UBR1: variants seen among roughly 807,000 people sequenced by gnomAD.
The protein encoded by UBR1 is ubiquitin protein ligase E3 component n-recognin 1.
A neutral mutation model predicts 242.1 loss-of-function variants in UBR1; 102 were observed. The ratio of observed to expected loss-of-function variants is 0.42; its 90% confidence interval spans 0.36 to 0.50. UBR1 has a LOEUF of 0.50. Among genes scored for constraint, UBR1 ranks in the 20% least tolerant of loss-of-function variants. UBR1 has a pLI of 0.01. For missense variants in UBR1, 1,772 were observed against 2,101.8 expected (o/e 0.84, Z 3.07); for synonymous variants, 675 against 684.8 (o/e 0.99, Z 0.22).
At chr15:43,007,034 C>T in intron 30 of UBR1, 45 bp downstream of exon 30, 1 of 1,580,138 alleles carries the variant, frequency 6.3e-7, no homozygotes, top group Non-Finnish European at 8.7e-7. Context: ...ATTACACAGG[C>T]ATGAAAAGAA....
At chr15:43,061,475 T>A (rs1289658234) in intron 6 of UBR1, among the ~76,000 whole-genome samples, 1 of 152,080 alleles carries the variant, frequency 6.6e-6, no homozygotes, top group African/African-American at 2.4e-5. Flanking sequence ...CGGCACCAAC[T>A]GAAATGCCCA....
chr15:42,952,555 T>C, intron 44 of UBR1, 107 bp from the exon 45 acceptor site: 2 of 1,260,304 alleles, frequency 1.6e-6, no homozygotes, highest in East Asian at 2.4e-5. Context: ...CTGACCCCTT[T>C]CCAGCAAGGA....
chr15:43,020,216 T>A (rs2033091435), intron 27 of UBR1, among the ~76,000 whole-genome samples: 1 of 152,144 alleles, frequency 6.6e-6, no homozygotes, highest in African/African-American at 2.4e-5. Flanking sequence ...ATTTTTTGTA[T>A]TTTTAGCAGA....
At chr15:43,014,411 G>A (rs1191999136) in intron 29 of UBR1, among the ~76,000 whole-genome samples, 2 of 151,116 alleles carry the variant, frequency 1.3e-5, no homozygotes, top group Non-Finnish European at 2.9e-5. Flanking sequence ...ATCTCTGCCC[G>A]GCCGCCATCC....
intron 3 of UBR1, among the ~76,000 whole-genome samples, chr15:43,079,175 T>C (rs2033944409): frequency 6.6e-6 from 1 of 151,912 alleles, no homozygotes; most frequent in Non-Finnish European, 1.5e-5. Flanking sequence ...AACTAACATT[T>C]AAAACCACAG....
In UBR1 at chr15:43,099,405, G is replaced by A. The variant is rs114914166; in HGVS notation, c.81+6537C>T. Among the ~76,000 whole-genome samples, 964 of 151,824 alleles carry A rather than the reference G, an allele frequency of 6.3e-3. 9 individuals carry two copies. Among genetic ancestry groups the A allele is most frequent in the African/African-American group, 0.021 (867 of 41,380 alleles). ...CTTTGATTTCCATAATGATTATTGCGTAACCATAACAATATTAAACTTTTA... is the reference window on the plus strand; with the variant it reads ...CTTTGATTTCCATAATGATTATTGCATAACCATAACAATATTAAACTTTTA... On this transcript the variant is annotated intron_variant, in intron 1 of 46. Transcript: ENST00000290650.
At chr15:43,072,306 G>A (rs1357244081) in intron 4 of UBR1, among the ~76,000 whole-genome samples, 1 of 152,152 alleles carries the variant, frequency 6.6e-6, no homozygotes, top group East Asian at 1.9e-4. Flanking sequence ...GCCCAGGTTG[G>A]TCTCTAACTC....
chr15:42,984,052 T>A (rs1238817259), intron 36 of UBR1, 59 bp from the exon 37 acceptor site: 1 of 1,384,598 alleles, frequency 7.2e-7, no homozygotes, highest in Non-Finnish European at 1.0e-6. Flanking sequence ...ACCTAAGTCA[T>A]CCACTTAAGA....
At position 43,007,288 on chromosome 15, in the gene UBR1, C is replaced by T. The variant is rs778169749; in HGVS notation, c.3210-4G>A. 1.2e-5 allele frequency: 20 copies of T among 1,613,728 alleles called. No individual in the cohort carries two copies. The highest frequency in any genetic ancestry group is 1.4e-5 in the Non-Finnish European group (16 of 1,179,932). ...GTAGTCACTGACTGCTGGGGTGCTA[C>T]CAAAAGAAATGATCAGAAATGAGGA... On this transcript the variant is annotated splice_polypyrimidine_tract_variant and splice_region_variant and intron_variant, in intron 29 of 46. Coordinates refer to ENST00000290650, the MANE Select transcript of UBR1 (RefSeq NM_174916.3).
chr15:43,024,730 C>T (rs1429120908), intron 25 of UBR1, 99 bp downstream of exon 25: 2 of 1,538,168 alleles, frequency 1.3e-6, no homozygotes, highest in East Asian at 4.5e-5. Context: ...GTTTCCGGTG[C>T]TCTAGATGTG....
intron 3 of UBR1, among the ~76,000 whole-genome samples, chr15:43,081,417 C>CAAAAAA (rs71108197): frequency 1.4e-3 from 101 of 69,664 alleles, no homozygotes; most frequent in Admixed American, 2.8e-3. Flanking sequence ...CACCCCATCT[C>CAAAAAA]AAAAAAAAAA....
At chr15:43,061,639 T>C (rs1302491697) in intron 6 of UBR1, among the ~76,000 whole-genome samples, 2 of 152,026 alleles carry the variant, frequency 1.3e-5, no homozygotes, top group Non-Finnish European at 2.9e-5. Flanking sequence ...TAAAAAGGAA[T>C]GAATTAACGG....
At chr15:42,995,031 T>A (rs1335761469) in intron 33 of UBR1, among the ~76,000 whole-genome samples, 1 of 152,228 alleles carries the variant, frequency 6.6e-6, no homozygotes, top group Non-Finnish European at 1.5e-5. Context: ...CTTAAAAATA[T>A]AGGCTTCTAA....
In UBR1 at chr15:43,002,704, C is replaced by T. The variant is rs1448950539; in HGVS notation, c.3510G>A (p.Lys1170=). ...GHVMHAVCWQ[K]YFEAVQLSSQ... Reference sequence around the variant, plus strand: ...AGCTCAGCTGTACAGCTTCAAAATACCTGCAAAATTACAAAGACACAGGCC... The same window carrying T: ...AGCTCAGCTGTACAGCTTCAAAATATCTGCAAAATTACAAAGACACAGGCC... The change falls in exon 32 of 47, where the codon AAG becomes AAA. Residue 1170 remains lysine, a splice_region_variant and synonymous_variant. Coordinates refer to ENST00000290650, the MANE Select transcript of UBR1 (RefSeq NM_174916.3). 2.2e-5 allele frequency: 35 copies of T among 1,613,946 alleles called. No homozygotes were observed. Among genetic ancestry groups the T allele is most frequent in the Non-Finnish European group, 3.0e-5 (35 of 1,180,040 alleles).
intron 37 of UBR1, among the ~76,000 whole-genome samples, chr15:42,982,524 A>C (rs1336117996): frequency 6.6e-6 from 1 of 152,218 alleles, no homozygotes; most frequent in Admixed American, 6.5e-5. Context: ...GACACCTGGA[A>C]GTTAATTTGA....
chr15:42,965,483 A>C (rs2032091248), intron 41 of UBR1, among the ~76,000 whole-genome samples: 1 of 129,994 alleles, frequency 7.7e-6, no homozygotes, highest in Non-Finnish European at 1.7e-5. Flanking sequence ...TTTTTTTTTG[A>C]GACAGAGCCT....
chr15:43,043,301 G>A lies in UBR1; in HGVS notation c.1763C>T (p.Ser588Leu), dbSNP rs1356070205. 27 of 1,613,908 alleles carry A rather than the reference G, an allele frequency of 1.7e-5. No individual in the cohort carries two copies. The highest frequency in any genetic ancestry group is 2.0e-5 in the Non-Finnish European group (24 of 1,179,964). Residue 588 changes from serine to leucine, a missense_variant, in exon 15 of 47, where the codon TCG becomes TTG. This residue lies in a region of UBR1 where 734 missense variants were observed against 893.3 expected (regional missense o/e 0.82). Coordinates refer to ENST00000290650, the MANE Select transcript of UBR1 (RefSeq NM_174916.3). ...CTTTGTTTCCAAACTATGTCCACAC[G>A]ATTGTACTACTGTCTTGCTACTAGA... ...FISSSKTVVQ[S>L]CGHSLETKSY...
intron 32 of UBR1, among the ~76,000 whole-genome samples, chr15:43,000,808 A>C (rs1393594985): frequency 6.6e-6 from 1 of 152,178 alleles, no homozygotes; most frequent in African/African-American, 2.4e-5. Context: ...AATGACATGG[A>C]ATATTAGAGA....
chr15:43,059,976 C>CA, intron 7 of UBR1, 76 bp downstream of exon 7: 2 of 1,575,354 alleles, frequency 1.3e-6, no homozygotes, highest in Non-Finnish European at 1.7e-6. Flanking sequence ...CATCATCACT[C>CA]AAATTATTCT....
Sources: allele counts gnomAD v4.1 joint callset (sites outside exome capture counted in the v4.1 genomes callset), GRCh38; gene constraint gnomAD v4.1.1; regional missense constraint gnomAD v4.1.1; transcripts MANE v1.5; gene names NCBI Gene and HGNC (gene_info 2026-07-23, HGNC 2026-07-21).